SLC8A1: variants seen among roughly 807,000 people sequenced by gnomAD.
SLC8A1 encodes solute carrier family 8 member A1.
In SLC8A1, 18 loss-of-function variants were observed where a neutral mutation model predicts 68.3. The observed-to-expected ratio is 0.26, with a 90% CI of 0.18 to 0.39. The LOEUF is 0.39. SLC8A1 is among the 10% of genes least tolerant of loss of function. The probability of loss-of-function intolerance (pLI) is 1.00; values close to 1 mark genes in which losing one functional copy is unlikely to be tolerated. For synonymous variants in SLC8A1, 475 were observed against 415.5 expected, an observed-to-expected ratio of 1.14 and a Z score of -1.74; for missense variants, 985 against 1,156.7, an observed-to-expected ratio of 0.85 and a Z score of 2.15.
At chr2:40,374,280 G>A (rs570911452) in intron 2 of SLC8A1, among the ~76,000 whole-genome samples, 32 of 152,178 alleles carry the variant, frequency 2.1e-4, no homozygotes, top group African/African-American at 5.8e-4. Flanking sequence ...GGAAGGCCAA[G>A]GCAGGTGGGT....
At chr2:40,331,330 C>A (rs180790735) in intron 2 of SLC8A1, among the ~76,000 whole-genome samples, 218 of 152,242 alleles carry the variant, frequency 1.4e-3, no homozygotes, top group African/African-American at 4.6e-3. Flanking sequence ...TCATTTTCTA[C>A]AGAATATTCA....
intron 2 of SLC8A1, among the ~76,000 whole-genome samples, chr2:40,205,667 G>C (rs2055281756): frequency 6.6e-6 from 1 of 151,980 alleles, no homozygotes; most frequent in Non-Finnish European, 1.5e-5. Flanking sequence ...GGTGGGAGGA[G>C]AGAGAGGATG....
chr2:40,331,739 G>A (rs1383497968), intron 2 of SLC8A1, among the ~76,000 whole-genome samples: 4 of 151,642 alleles, frequency 2.6e-5, no homozygotes, highest in African/African-American at 9.7e-5. Flanking sequence ...GATTACAGGC[G>A]GCCACCACTG....
rs150819202 is a variant in SLC8A1 at position 40,422,337 on chromosome 2, C to A, written c.1808+6136G>T. Among the ~76,000 whole-genome samples the A allele has an allele frequency of 8.5e-5, 13 of 152,240 alleles. No homozygotes were observed. In the East Asian group the frequency reaches 2.5e-3, roughly 29 times the overall value. On this transcript the variant is annotated intron_variant, in intron 2 of 7. Transcript: ENST00000406785. ...TGATGAAGATATTTTATAGGAAAAC[C>A]TCAATAGTTCCCATGATATTACAAT...
chr2:40,479,810 T>C (rs1704516202), intron 1 of SLC8A1, among the ~76,000 whole-genome samples: 2 of 152,182 alleles, frequency 1.3e-5, no homozygotes, highest in African/African-American at 2.4e-5. Context: ...GAGAAAAATA[T>C]AAGCCCAGTT....
chr2:40,460,277 G>A (rs1250186648), intron 1 of SLC8A1, among the ~76,000 whole-genome samples: 2 of 152,192 alleles, frequency 1.3e-5, no homozygotes, highest in Non-Finnish European at 2.9e-5. Flanking sequence ...GAAAAGCAGA[G>A]CTTGGATAGA....
At chr2:40,195,878 C>G (rs1314834365) in intron 2 of SLC8A1, 1 of 151,786 alleles carries the variant, frequency 6.6e-6, no homozygotes, top group East Asian at 1.9e-4. Flanking sequence ...AAGGAGTGAC[C>G]TTAAAAGAAA....
At chr2:40,208,015 T>G (rs2055822048) in intron 2 of SLC8A1, among the ~76,000 whole-genome samples, 1 of 152,146 alleles carries the variant, frequency 6.6e-6, no homozygotes, top group Non-Finnish European at 1.5e-5. Flanking sequence ...CTGCAAGAGC[T>G]TCCTCTCTTC....
At chr2:40,135,115 G>A (rs1387822248) in intron 7 of SLC8A1, among the ~76,000 whole-genome samples, 1 of 152,158 alleles carries the variant, frequency 6.6e-6, no homozygotes, top group Non-Finnish European at 1.5e-5. Flanking sequence ...AAAGGCCCAT[G>A]GGCCCAAAGA....
At chr2:40,334,226 T>C (rs1179075424) in intron 2 of SLC8A1, among the ~76,000 whole-genome samples, 3 of 152,198 alleles carry the variant, frequency 2.0e-5, no homozygotes, top group Admixed American at 6.5e-5. Context: ...AAGTTAGTGA[T>C]TTTCTCTGCA....
chr2:40,137,411 C>G (rs1052701711), intron 7 of SLC8A1, among the ~76,000 whole-genome samples: 21 of 152,096 alleles, frequency 1.4e-4, no homozygotes, highest in African/African-American at 5.1e-4. Flanking sequence ...TAATTTTTGC[C>G]TTTATGATCA....
At chr2:40,446,540 A>G (rs907825662) in intron 1 of SLC8A1, 13 of 152,180 alleles carry the variant, frequency 8.5e-5, no homozygotes, top group African/African-American at 2.4e-4. Flanking sequence ...ACCACGTCCA[A>G]TGTTCTCTTC....
chr2:40,231,355 A>G (rs2059623289), intron 2 of SLC8A1, among the ~76,000 whole-genome samples: 1 of 152,142 alleles, frequency 6.6e-6, no homozygotes, highest in Non-Finnish European at 1.5e-5. Context: ...CTAATTGGGG[A>G]TATACCTGAT....
At chr2:40,387,711 G>C (rs777840610) in intron 2 of SLC8A1, among the ~76,000 whole-genome samples, 3 of 147,430 alleles carry the variant, frequency 2.0e-5, no homozygotes, top group Non-Finnish European at 4.4e-5. Context: ...GCCTAGCGGG[G>C]TGGATCACTT....
At chr2:40,126,214 A>C (rs1316655848) in intron 7 of SLC8A1, among the ~76,000 whole-genome samples, 4 of 152,190 alleles carry the variant, frequency 2.6e-5, no homozygotes. Context: ...ACGCTGACTA[A>C]CTCTCAGGGC....
chr2:40,268,991 A>C (rs1340737442), intron 2 of SLC8A1, among the ~76,000 whole-genome samples: 3 of 152,198 alleles, frequency 2.0e-5, no homozygotes, highest in African/African-American at 7.2e-5. Flanking sequence ...AAGGACTCCA[A>C]ATATGAACTC....
At chr2:40,206,730 C>T (rs777617740) in intron 2 of SLC8A1, among the ~76,000 whole-genome samples, 57 of 151,580 alleles carry the variant, frequency 3.8e-4, no homozygotes, top group Non-Finnish European at 6.5e-4. Flanking sequence ...TTCACCCCTA[C>T]GATCTACATG....
chr2:40,346,626 C>T (rs1282438870), intron 2 of SLC8A1, among the ~76,000 whole-genome samples: 1 of 152,076 alleles, frequency 6.6e-6, no homozygotes, highest in Admixed American at 6.6e-5. Context: ...TCTGGCCTTT[C>T]AAGTACAGTC....
chr2:40,267,215 C>G lies in SLC8A1; in HGVS notation c.1809-89360G>C, dbSNP rs558653588. Among the ~76,000 whole-genome samples the G allele has an allele frequency of 6.2e-4, 95 of 152,268 alleles. 1 individual carries two copies. Among genetic ancestry groups the G allele is most frequent in the African/African-American group, 1.8e-3 (74 of 41,560 alleles). ...TTGATGTATTAGCAGGATCCTGGAT[C>G]TTTACTTGCCTGAGTTATCTGGATG... On this transcript the variant is annotated intron_variant, in intron 2 of 7. Coordinates refer to ENST00000406785, the Ensembl canonical transcript of SLC8A1.
Sources: allele counts gnomAD v4.1 joint callset (sites outside exome capture counted in the v4.1 genomes callset), GRCh38; gene constraint gnomAD v4.1.1; transcripts MANE v1.5; gene names NCBI Gene and HGNC (gene_info 2026-07-23, HGNC 2026-07-21).